Variants in ACSBG1 observed in about 807,000 individuals in gnomAD.
ACSBG1 encodes the protein acyl-CoA synthetase bubblegum family member 1.
ACSBG1 carries 39 observed loss-of-function variants against 80.2 expected under a neutral mutation model. The observed-to-expected ratio is 0.49, with a 90% CI of 0.38 to 0.64. The LOEUF (loss-of-function observed/expected upper bound fraction) is 0.64, where lower values mean the gene tolerates loss of function less well. Ranked by LOEUF, ACSBG1 falls within the 30% of genes least tolerant of loss-of-function variation. The pLI, the probability that ACSBG1 is intolerant of heterozygous loss-of-function variation, is 0.00. For missense variants in ACSBG1, 828 were observed against 966.4 expected (o/e 0.86, Z 1.90); for synonymous variants, 392 against 379.5 (o/e 1.03, Z -0.38).
chr15:78,196,172 C>T (rs1433420663), intron 2 of ACSBG1, among the ~76,000 whole-genome samples: 4 of 152,242 alleles, frequency 2.6e-5, no homozygotes, highest in Non-Finnish European at 5.9e-5. Flanking sequence ...GCCCATGCCA[C>T]TGGCCATGAG....
chr15:78,197,666 C>T (rs184591919), intron 2 of ACSBG1, among the ~76,000 whole-genome samples: 2,649 of 145,736 alleles, frequency 0.018, 53 homozygotes, highest in Middle Eastern at 0.05. Context: ...TTGCAGTGAG[C>T]TGAGATCGCA....
At chr15:78,219,684 T>C (rs749784766) in intron 1 of ACSBG1, among the ~76,000 whole-genome samples, 2 of 8,532 alleles carry the variant, frequency 2.3e-4, no homozygotes, top group Non-Finnish European at 4.1e-4. Flanking sequence ...AAAATTTGTA[T>C]AAAAATTCAA....
chr15:78,180,214 G>A lies in ACSBG1; in HGVS notation c.1254-434C>T, dbSNP rs961174593. Among the ~76,000 whole-genome samples, 3 of 152,192 alleles carry A rather than the reference G, an allele frequency of 2.0e-5. No individual in the cohort carries two copies. In the East Asian group the frequency reaches 5.8e-4, roughly 29 times the overall value. ...TGTCTGTGCAAATGAAGCTGTGGAT[G>A]CACAGATATGTGCACACATCTCATG... On this transcript the variant is annotated intron_variant, in intron 9 of 13. Coordinates refer to ENST00000258873, the MANE Select transcript of ACSBG1 (RefSeq NM_015162.5).
In ACSBG1 at chr15:78,220,887, C is replaced by T. The variant is rs79023497; in HGVS notation, c.132-12785G>A. Among the ~76,000 whole-genome samples, 547 of 152,292 alleles carry T rather than the reference C, an allele frequency of 3.6e-3. 7 individuals carry two copies. Among genetic ancestry groups the T allele is most frequent in the African/African-American group, 0.012 (509 of 41,564 alleles). On this transcript the variant is annotated intron_variant, in intron 1 of 13. Coordinates refer to ENST00000258873, the MANE Select transcript of ACSBG1 (RefSeq NM_015162.5). ...TGGGAATGCAGATACTTTGGAATAC[C>T]ATCTGGCAGTTCCTCAAAAGGTTAT...
intron 1 of ACSBG1, among the ~76,000 whole-genome samples, chr15:78,219,167 G>A (rs1005013864): frequency 2.0e-5 from 3 of 152,114 alleles, no homozygotes; most frequent in Admixed American, 6.5e-5. Context: ...AGCTCTATGA[G>A]GTCCTTGGCA....
At chr15:78,200,797 C>T (rs1223525895) in intron 2 of ACSBG1, among the ~76,000 whole-genome samples, 1 of 152,196 alleles carries the variant, frequency 6.6e-6, no homozygotes, top group African/African-American at 2.4e-5. Context: ...CTGAGACTCC[C>T]AGAGTGACCT....
At chr15:78,225,404 T>TAAAC (rs1555434741) in intron 1 of ACSBG1, among the ~76,000 whole-genome samples, 2 of 145,352 alleles carry the variant, frequency 1.4e-5, no homozygotes, top group South Asian at 4.2e-4. Context: ...TCTGTCTCAA[T>TAAAC]AAATAAATAA....
Position 78,178,819 on chromosome 15 carries a change from C to T in ACSBG1, c.1497G>A (p.Leu499=), listed in dbSNP as rs1233065674. ...YNYRLYSSGK[L]VPGCRVKLVN... is the part of the protein sequence containing the mutation. Reference sequence around the variant, plus strand: ...CCAGCTTCACCCGACAGCCGGGCACCAACTTGCCTGAGCTGGCGAGGGAGG... The same window carrying T: ...CCAGCTTCACCCGACAGCCGGGCACTAACTTGCCTGAGCTGGCGAGGGAGG... The change falls in exon 11 of 14, where the codon TTG becomes TTA. Residue 499 remains leucine, a synonymous_variant. Coordinates refer to ENST00000258873, the MANE Select transcript of ACSBG1 (RefSeq NM_015162.5). The surrounding 1 kb of genome is among the most constrained non-coding windows in gnomAD (Gnocchi z 4.3). 3 of 1,612,034 alleles carry T rather than the reference C, an allele frequency of 1.9e-6. No homozygotes were observed. The highest frequency in any genetic ancestry group is 2.5e-6 in the Non-Finnish European group (3 of 1,179,852).
At chr15:78,184,670 G>C (rs1407914055) in intron 5 of ACSBG1, among the ~76,000 whole-genome samples, 1 of 152,182 alleles carries the variant, frequency 6.6e-6, no homozygotes, top group Admixed American at 6.5e-5. Flanking sequence ...ATATCAGTGT[G>C]AACTCCTGAT....
Position 78,178,716 on chromosome 15 carries a change from C to T in ACSBG1, c.1600G>A (p.Asp534Asn), listed in dbSNP as rs773514758. ...TCGTCGATGGCCTCACAAGTCTTGT[C>T]CTCCATGTTCAGGTAGCCCATGAAT... Reference protein sequence around the residue: ...TIFMGYLNMEDKTCEAIDEEG... With the variant: ...TIFMGYLNMENKTCEAIDEEG... The change falls in exon 11 of 14, where the codon GAC becomes AAC. Residue 534 changes from aspartate to asparagine, a missense_variant. Asp to Asn is a conservative substitution (Grantham distance 23, BLOSUM62 1). Around this residue, in one of 3 missense-constraint regions of ACSBG1, gnomAD observed 271 missense variants for 375.9 expected, o/e 0.72. Coordinates refer to ENST00000258873, the MANE Select transcript of ACSBG1 (RefSeq NM_015162.5). This position sits in a 1 kb window ranked among gnomAD's most constrained non-coding sequence, Gnocchi z 4.3. 1 of 1,614,160 alleles carries T rather than the reference C, an allele frequency of 6.2e-7. No individual in the cohort carries two copies. Among genetic ancestry groups the T allele is most frequent in the South Asian group, 1.1e-5 (1 of 91,076 alleles).
At chr15:78,174,847 C>T (rs1404505507) in intron 11 of ACSBG1, 2 of 395,272 alleles carry the variant, frequency 5.1e-6, no homozygotes, top group Non-Finnish European at 9.3e-6. Flanking sequence ...CATTTCCCTT[C>T]CCTGCCTTTG....
intron 5 of ACSBG1, among the ~76,000 whole-genome samples, chr15:78,186,459 A>T (rs1310888978): frequency 6.6e-6 from 1 of 152,254 alleles, no homozygotes; most frequent in African/African-American, 2.4e-5. Context: ...AAGATCAGAA[A>T]TTATAGAAAC....
At chr15:78,232,644 T>C (rs2075455756) in intron 1 of ACSBG1, among the ~76,000 whole-genome samples, 1 of 152,036 alleles carries the variant, frequency 6.6e-6, no homozygotes, top group Non-Finnish European at 1.5e-5. Flanking sequence ...GCTGTCCTCA[T>C]GCCTGTCTAC....
In ACSBG1 at chr15:78,168,896, T is replaced by A; in HGVS notation, c.*2548A>T. On this transcript the variant is annotated 3_prime_UTR_variant, in exon 14 of 14. Coordinates refer to ENST00000258873, the MANE Select transcript of ACSBG1 (RefSeq NM_015162.5). The stretch of plus-strand genomic sequence containing the variant: ...TTAGTTTAGTTTGCGGATACATCTT[T>A]TATTTTTGCTTTTTCCTTTTCTCAG... 1 of 1,517,860 alleles carries A rather than the reference T, an allele frequency of 6.6e-7. No individual in the cohort carries two copies. The highest frequency in any genetic ancestry group is 1.1e-5 in the South Asian group (1 of 87,064). 94.0% of individuals were successfully genotyped at this position (1,517,860 alleles called of 1,614,324 possible). A position where few individuals can be genotyped will look rare whatever the true frequency, so the allele number is the denominator to read the frequency against.
chr15:78,188,230 C>T (rs1292537671), intron 5 of ACSBG1, among the ~76,000 whole-genome samples: 3 of 151,880 alleles, frequency 2.0e-5, no homozygotes, highest in Non-Finnish European at 4.4e-5. Context: ...GAATCAATAT[C>T]ATGAAAATGG....
intron 12 of ACSBG1, 90 bp from the exon 13 acceptor site, chr15:78,173,929 G>A: frequency 6.8e-7 from 1 of 1,468,494 alleles, no homozygotes; most frequent in Non-Finnish European, 9.1e-7. Flanking sequence ...TGTCGGCAAG[G>A]GTGTGAATCA....
chr15:78,201,927 T>C (rs1252569311), intron 2 of ACSBG1, among the ~76,000 whole-genome samples: 1 of 152,208 alleles, frequency 6.6e-6, no homozygotes, highest in Non-Finnish European at 1.5e-5. Context: ...GCAGGAGCAC[T>C]GCTCAGTGGG....
intron 1 of ACSBG1, among the ~76,000 whole-genome samples, chr15:78,209,589 A>C (rs957767301): frequency 1.6e-4 from 25 of 152,270 alleles, no homozygotes; most frequent in African/African-American, 5.8e-4. Context: ...TTTGGGCCGC[A>C]ATGTTACCAA....
At chr15:78,188,007 C>A (rs976672632) in intron 5 of ACSBG1, among the ~76,000 whole-genome samples, 15 of 152,294 alleles carry the variant, frequency 9.8e-5, no homozygotes, top group Middle Eastern at 3.4e-3. Context: ...GTACAAAAAT[C>A]ACAAGCATTC....
Sources: allele counts gnomAD v4.1 joint callset (sites outside exome capture counted in the v4.1 genomes callset), GRCh38; gene constraint gnomAD v4.1.1; regional missense constraint gnomAD v4.1.1; non-coding constraint Gnocchi (gnomAD v3.1); transcripts MANE v1.5; gene names NCBI Gene and HGNC (gene_info 2026-07-23, HGNC 2026-07-21).